The following ASPH variants were observed in gnomAD, a reference collection of about 807,000 sequenced individuals.
ASPH encodes the protein aspartate beta-hydroxylase.
Under a neutral mutation model 118.4 loss-of-function variants are expected in ASPH, and 100 were observed. The ratio of observed to expected loss-of-function variants is 0.84; its 90% CI spans 0.72 to 1.00. The LOEUF (loss-of-function observed/expected upper bound fraction) is 1.00. Among genes scored for constraint, ASPH ranks in the 50% least tolerant of loss-of-function variants. The pLI is 0.00. For missense variants in ASPH, 920 were observed against 919.5 expected (o/e 1.00, Z -0.01); for synonymous variants, 315 against 325.6 (o/e 0.97, Z 0.35).
At chr8:61,705,171 A>G (rs1010570770) in intron 1 of ASPH, among the ~76,000 whole-genome samples, 81 of 152,150 alleles carry the variant, frequency 5.3e-4, no homozygotes, top group Non-Finnish European at 2.1e-4. Flanking sequence ...TCTTATTAAT[A>G]TTTATAAGTG....
intron 3 of ASPH, chr8:61,664,904 C>T (rs1818766539): frequency 9.8e-7 from 1 of 1,023,990 alleles, no homozygotes; most frequent in Non-Finnish European, 1.2e-6. Context: ...AGGCATTATG[C>T]ACAGAAATAA....
chr8:61,544,356 C>A (rs1293290930), intron 21 of ASPH, among the ~76,000 whole-genome samples: 3 of 152,158 alleles, frequency 2.0e-5, no homozygotes, highest in Non-Finnish European at 4.4e-5. Context: ...TGAAGACATT[C>A]CCTCTGCCAT....
intron 3 of ASPH, chr8:61,668,216 T>A: frequency 6.3e-7 from 1 of 1,596,794 alleles, no homozygotes; most frequent in Non-Finnish European, 8.6e-7. Flanking sequence ...CAAGGCTAAT[T>A]TGAAAAAATG....
At position 61,500,875 on chromosome 8, in the gene ASPH, G is replaced by A. The variant is rs1055223392; in HGVS notation, c.*2484C>T. 3 of 152,012 alleles carry A rather than the reference G, an allele frequency of 2.0e-5. No homozygotes were observed. The highest frequency in any genetic ancestry group is 4.4e-5 in the Non-Finnish European group (3 of 68,010). 9.4% of individuals were successfully genotyped at this position (152,012 alleles called of 1,614,324 possible). ...AATTTGTTAGCTAAATAATTCAAGG[G>A]AAAGAGATTATTCAACTGGTCATAA... On this transcript the variant is annotated 3_prime_UTR_variant, in exon 25 of 25. Transcript: ENST00000379454.
rs949574171 is a variant in ASPH, at chr8:61,502,710, T to C, written c.*649A>G. 2 of 151,924 alleles carry C rather than the reference T, an allele frequency of 1.3e-5. No homozygotes were observed. Among genetic ancestry groups the C allele is most frequent in the African/African-American group, 4.8e-5 (2 of 41,384 alleles). 9.4% of individuals were successfully genotyped at this position (151,924 alleles called of 1,614,324 possible). A position where few individuals can be genotyped will look rare whatever the true frequency, so the allele number is the denominator to read the frequency against. On this transcript the variant is annotated 3_prime_UTR_variant, in exon 25 of 25. Coordinates refer to ENST00000379454, the MANE Select transcript of ASPH (RefSeq NM_004318.4). Reference sequence around the variant, plus strand: ...AGTGAGAAGAGGATCTCAATCAAGATAAAAAAAACCAAACGATTTGAGAGT... The same window carrying C: ...AGTGAGAAGAGGATCTCAATCAAGACAAAAAAAACCAAACGATTTGAGAGT...
chr8:61,668,974 TTCTC>T (rs771832179), intron 3 of ASPH, among the ~76,000 whole-genome samples: 1 of 152,180 alleles, frequency 6.6e-6, no homozygotes, highest in East Asian at 1.9e-4. Context: ...ATCTTCCCAA[TTCTC>T]TCTCTCAGTC....
At chr8:61,610,648 T>A (rs368367771) in intron 14 of ASPH, among the ~76,000 whole-genome samples, 5 of 152,212 alleles carry the variant, frequency 3.3e-5, no homozygotes, top group Non-Finnish European at 5.9e-5. Context: ...AGACTGTTTT[T>A]TCAAAGCTTT....
intron 20 of ASPH, among the ~76,000 whole-genome samples, chr8:61,550,919 T>A (rs1825770752): frequency 6.6e-6 from 1 of 151,754 alleles, no homozygotes; most frequent in Non-Finnish European, 1.5e-5. Flanking sequence ...TAGACTGGAG[T>A]AAGGAGGAGA....
intron 20 of ASPH, among the ~76,000 whole-genome samples, chr8:61,551,237 C>T (rs911859136): frequency 1.3e-5 from 2 of 152,192 alleles, no homozygotes; most frequent in Admixed American, 6.5e-5. Flanking sequence ...AAAAATTTTC[C>T]TCACAACCCA....
chr8:61,669,277 C>G (rs1821218079), intron 3 of ASPH, among the ~76,000 whole-genome samples: 1 of 152,202 alleles, frequency 6.6e-6, no homozygotes, highest in Non-Finnish European at 1.5e-5. Context: ...TCCCCTTTCA[C>G]TATTGATAGC....
intron 3 of ASPH, chr8:61,668,114 C>G (rs572290164): frequency 2.1e-4 from 202 of 983,630 alleles, no homozygotes; most frequent in Admixed American, 9.1e-4. Context: ...TGCACCCAAG[C>G]AAGACCCAAA....
chr8:61,612,659 A>G (rs1441617841), intron 14 of ASPH, among the ~76,000 whole-genome samples: 2 of 152,228 alleles, frequency 1.3e-5, no homozygotes, highest in Non-Finnish European at 2.9e-5. Context: ...GGCATGAGCC[A>G]TCATGCCCAG....
intron 16 of ASPH, among the ~76,000 whole-genome samples, chr8:61,569,316 T>C (rs1832760949): frequency 2.0e-5 from 3 of 152,208 alleles, no homozygotes; most frequent in African/African-American, 7.2e-5. Context: ...CTGAAGCCTA[T>C]TATTCGAGGA....
intron 5 of ASPH, among the ~76,000 whole-genome samples, chr8:61,649,684 T>G (rs1306006400): frequency 1.3e-5 from 2 of 149,160 alleles, no homozygotes; most frequent in Non-Finnish European, 3.0e-5. Context: ...CTTAGGGTTC[T>G]TTCTATTTCT....
chr8:61,684,012 T>C (rs763837195), intron 2 of ASPH, 27 bp downstream of exon 2: 1 of 1,609,432 alleles, frequency 6.2e-7, no homozygotes, highest in African/African-American at 1.3e-5. Context: ...CTCTTACAAA[T>C]TCACATAAGG....
At chr8:61,522,199 A>G (rs1010022352) in intron 22 of ASPH, among the ~76,000 whole-genome samples, 6 of 152,200 alleles carry the variant, frequency 3.9e-5, no homozygotes, top group African/African-American at 7.2e-5. Context: ...TTTTTCCTTC[A>G]ACTCTAAAAA....
At chr8:61,687,353 A>G (rs1214911690) in intron 1 of ASPH, 1 of 152,228 alleles carries the variant, frequency 6.6e-6, no homozygotes, top group Non-Finnish European at 1.5e-5. Context: ...CAAAACAGCA[A>G]GGGATTCAGA....
At chr8:61,681,275 A>T (rs1260648610) in intron 2 of ASPH, among the ~76,000 whole-genome samples, 2 of 151,826 alleles carry the variant, frequency 1.3e-5, no homozygotes, top group African/African-American at 4.8e-5. Context: ...AAACTGACAC[A>T]GCATTATCTT....
chr8:61,575,951 C>T lies in ASPH; in HGVS notation c.1149+821G>A, dbSNP rs1835001511. On this transcript the variant is annotated intron_variant, in intron 16 of 24. Coordinates refer to ENST00000379454, the MANE Select transcript of ASPH (RefSeq NM_004318.4). ...TCAAACCAGCCAGTCCTAAACTGTTCACCCTGCCCTACTTTGCCTCTTCCA... is the reference window on the plus strand; with the variant it reads ...TCAAACCAGCCAGTCCTAAACTGTTTACCCTGCCCTACTTTGCCTCTTCCA... 3.9e-5 allele frequency among the ~76,000 whole-genome samples: 6 copies of T among 152,196 alleles called. No individual in the cohort carries two copies. In the South Asian group the frequency reaches 1.2e-3, roughly 32 times the overall value.
Sources: allele counts gnomAD v4.1 joint callset (sites outside exome capture counted in the v4.1 genomes callset), GRCh38; gene constraint gnomAD v4.1.1; transcripts MANE v1.5; gene names NCBI Gene and HGNC (gene_info 2026-07-23, HGNC 2026-07-21).